Variants in CEP95 observed in about 807,000 individuals in gnomAD.
The protein encoded by CEP95 is centrosomal protein 95.
Under a neutral mutation model 111.2 loss-of-function variants are expected in CEP95, and 98 were observed. The ratio of observed to expected loss-of-function variants is 0.88; its 90% CI spans 0.75 to 1.04. The LOEUF (loss-of-function observed/expected upper bound fraction) is 1.04. Ranked by LOEUF, CEP95 falls within the 50% of genes least tolerant of loss-of-function variation. CEP95 has a pLI of 0.00. For missense variants in CEP95, 1,027 were observed against 977.2 expected, an observed-to-expected ratio of 1.05 and a Z score of -0.68; for synonymous variants, 323 against 327.1, an observed-to-expected ratio of 0.99 and a Z score of 0.14.
In CEP95 at chr17:64,531,992, G is replaced by A; in HGVS notation, c.1642G>A (p.Gly548Ser). The A allele has an allele frequency of 6.3e-7, 1 of 1,597,768 alleles. No individual in the cohort carries two copies. Among genetic ancestry groups the A allele is most frequent in the Non-Finnish European group, 8.5e-7 (1 of 1,175,552 alleles). Reference sequence around the variant, plus strand: ...AACCACAACGCAGAGTCTAAGAGGTGGCCTCCCAAAGCCAAATAAAGCAGT... The same window carrying A: ...AACCACAACGCAGAGTCTAAGAGGTAGCCTCCCAAAGCCAAATAAAGCAGT... ...RKTTTQSLRGGLPKPNKAVPM... is the reference protein window; with the variant it reads ...RKTTTQSLRGSLPKPNKAVPM... The change falls in exon 14 of 20, where the codon GGC becomes AGC. Residue 548 changes from glycine to serine, a missense_variant. Coordinates refer to ENST00000556440, the MANE Select transcript of CEP95 (RefSeq NM_138363.3).
chr17:64,516,873 T>C, intron 5 of CEP95, 45 bp downstream of exon 5: 1 of 1,165,416 alleles, frequency 8.6e-7, no homozygotes, highest in Non-Finnish European at 1.3e-6. Context: ...AGTTACGCTT[T>C]TTGGACTAAG....
intron 8 of CEP95, among the ~76,000 whole-genome samples, chr17:64,523,315 G>A (rs782306780): frequency 4.6e-5 from 7 of 152,078 alleles, no homozygotes; most frequent in Non-Finnish European, 8.8e-5. Context: ...ATGTAGAGAG[G>A]GCAAGGTTAC....
Position 64,521,437 on chromosome 17 carries a change from G to A in CEP95, c.625G>A (p.Ala209Thr), listed in dbSNP as rs782419355. The change falls in exon 7 of 20, where the codon GCC (alanine) becomes ACC (threonine). Residue 209 changes from alanine to threonine, a missense_variant. Coordinates refer to ENST00000556440, the MANE Select transcript of CEP95 (RefSeq NM_138363.3). ...QCPNEMLSKK[A>T]LASPSSKSHE... ...TCCTAATGAAATGCTGTCTAAAAAA[G>A]CCTTAGCCTCACCAAGTTCTAAATC... The A allele has an allele frequency of 2.5e-6, 4 of 1,612,430 alleles. No individual in the cohort carries two copies. The highest frequency in any genetic ancestry group is 2.5e-6 in the Non-Finnish European group (3 of 1,178,740).
At chr17:64,515,663 C>G (rs914009230) in intron 4 of CEP95, 1 of 152,112 alleles carries the variant, frequency 6.6e-6, no homozygotes, top group Non-Finnish European at 1.5e-5. Context: ...ATAGGCTTCC[C>G]TATATGACAG....
In CEP95 at chr17:64,526,173, C is replaced by G. The variant is rs1555679073; in HGVS notation, c.1125C>G (p.Leu375=). 1.2e-5 allele frequency: 19 copies of G among 1,613,054 alleles called. No homozygotes were observed. The highest frequency in any genetic ancestry group is 1.4e-5 in the Non-Finnish European group (17 of 1,179,620). Residue 375 remains leucine, a synonymous_variant, in exon 10 of 20, where the codon CTC becomes CTG. Coordinates refer to ENST00000556440, the MANE Select transcript of CEP95 (RefSeq NM_138363.3). ...EQELHDVSEK[L]SQRLSELDWM... The stretch of plus-strand genomic sequence containing the variant: ...AATTACATGATGTATCAGAAAAACT[C>G]TCTCAGCGGCTTTCTGAACTAGATT...
At position 64,521,423 on chromosome 17, in the gene CEP95, T is replaced by C. The variant is rs1967328967; in HGVS notation, c.611T>C (p.Met204Thr). 1 of 1,611,290 alleles carries C rather than the reference T, an allele frequency of 6.2e-7. No homozygotes were observed. The highest frequency in any genetic ancestry group is 8.5e-7 in the Non-Finnish European group (1 of 1,177,884). Reference protein sequence around the residue: ...RSNGAQCPNEMLSKKALASPS... With the variant: ...RSNGAQCPNETLSKKALASPS... ...CTAGGTGCTCAATGTCCTAATGAAATGCTGTCTAAAAAAGCCTTAGCCTCA... is the reference window on the plus strand; with the variant it reads ...CTAGGTGCTCAATGTCCTAATGAAACGCTGTCTAAAAAAGCCTTAGCCTCA... Residue 204 changes from methionine to threonine, a missense_variant, in exon 7 of 20, where the codon ATG becomes ACG. Physicochemically the swap from Met to Thr is moderately conservative, Grantham distance 81 (BLOSUM62 -1). Coordinates refer to ENST00000556440, the MANE Select transcript of CEP95 (RefSeq NM_138363.3).
intron 4 of CEP95, among the ~76,000 whole-genome samples, chr17:64,515,059 A>G (rs1329865700): frequency 6.6e-6 from 1 of 152,210 alleles, no homozygotes; most frequent in African/African-American, 2.4e-5. Context: ...GTCTTTAGTT[A>G]GAGATAGTTT....
rs943461916 is a variant in CEP95, at chr17:64,532,566, A to C, written c.1673-273A>C. On this transcript the variant is annotated intron_variant, in intron 14 of 19. Transcript: ENST00000556440. Reference sequence around the variant, plus strand: ...AGTCTTGTTTTACCGTACGTAGAGAATCTACCCACAGGCACTGAAGCGGCT... The same window carrying C: ...AGTCTTGTTTTACCGTACGTAGAGACTCTACCCACAGGCACTGAAGCGGCT... 1.1e-5 allele frequency: 13 copies of C among 1,220,740 alleles called. No homozygotes were observed. In the African/African-American group the frequency reaches 2.1e-4, roughly 19 times the overall value. The allele number at this position is 1,220,740 out of a possible 1,614,324, so 75.6% of individuals were successfully genotyped here.
intron 2 of CEP95, among the ~76,000 whole-genome samples, chr17:64,509,753 T>C (rs1312495090): frequency 6.6e-6 from 1 of 152,084 alleles, no homozygotes; most frequent in Non-Finnish European, 1.5e-5. Context: ...CTGTGTTTTT[T>C]TTTTCTTCGT....
intron 2 of CEP95, 84 bp downstream of exon 2, chr17:64,508,804 A>G: frequency 1.9e-6 from 1 of 528,014 alleles, no homozygotes; most frequent in Admixed American, 3.4e-5. Flanking sequence ...TTTGATATTT[A>G]TAAAATTTCA....
intron 11 of CEP95, among the ~76,000 whole-genome samples, chr17:64,528,617 A>C (rs997299540): frequency 6.6e-6 from 1 of 152,240 alleles, no homozygotes; most frequent in Admixed American, 6.5e-5. Context: ...ATGTGAAAAA[A>C]ATAATAAGCT....
At chr17:64,537,357 A>G in intron 19 of CEP95, 2 of 1,403,164 alleles carry the variant, frequency 1.4e-6, no homozygotes, top group Non-Finnish European at 1.8e-6. Context: ...ATTTTTAGGA[A>G]GTAGAAAACC....
intron 13 of CEP95, 159 bp downstream of exon 13, chr17:64,531,177 AT>A (rs1968251820): frequency 2.3e-6 from 1 of 434,920 alleles, no homozygotes; most frequent in Non-Finnish European, 4.1e-6. Flanking sequence ...TTGCTTATTA[AT>A]AAGGCATTCA....
chr17:64,513,965 C>T (rs2039014788), intron 3 of CEP95, among the ~76,000 whole-genome samples: 2 of 151,928 alleles, frequency 1.3e-5, no homozygotes, highest in South Asian at 4.1e-4. Context: ...TTTGCTTCTC[C>T]AAAAAAGGAA....
Position 64,532,994 on chromosome 17 carries a change from A to C in CEP95, c.1828A>C (p.Lys610Gln). The C allele has an allele frequency of 6.2e-7, 1 of 1,611,788 alleles. No homozygotes were observed. The highest frequency in any genetic ancestry group is 8.5e-7 in the Non-Finnish European group (1 of 1,179,360). Residue 610 changes from lysine to glutamine, a missense_variant, in exon 15 of 20, where the codon AAA becomes CAA. Transcript: ENST00000556440. The part of the protein sequence containing the change: ...EACRENRSKK[K>Q]LQDEIEEALR... Reference sequence around the variant, plus strand: ...ATGTAGAGAAAATCGATCAAAGAAGAAACTCCAAGATGAAGTAAGTTACTG... The same window carrying C: ...ATGTAGAGAAAATCGATCAAAGAAGCAACTCCAAGATGAAGTAAGTTACTG...
In CEP95 at chr17:64,534,200, C is replaced by CTAAT. The variant is rs1968484602; in HGVS notation, c.1918-383_1918-380dup. ...TTTTCACTCCTTTGTCAGATACTGT[C>CTAAT]TAATTTCCTTAGTTTTTGCCTAAAT... On this transcript the variant is annotated intron_variant, in intron 16 of 19. Coordinates refer to ENST00000556440, the MANE Select transcript of CEP95 (RefSeq NM_138363.3). The CTAAT allele has an allele frequency of 2.5e-5, 5 of 202,066 alleles. No homozygotes were observed. In the South Asian group the frequency reaches 4.7e-4, roughly 19 times the overall value. The allele number at this position is 202,066 out of a possible 1,614,324, so 12.5% of individuals were successfully genotyped here.
chr17:64,530,222 C>T (rs575148192), intron 12 of CEP95, among the ~76,000 whole-genome samples: 31 of 152,152 alleles, frequency 2.0e-4, no homozygotes, highest in African/African-American at 7.5e-4. Context: ...CCCATCTCTA[C>T]TAAAAATACA....
At chr17:64,513,947 C>A (rs564493772) in intron 3 of CEP95, among the ~76,000 whole-genome samples, 20 of 152,106 alleles carry the variant, frequency 1.3e-4, no homozygotes, top group Non-Finnish European at 2.5e-4. Context: ...TTTCTTAAGT[C>A]CAATTATTTT....
intron 12 of CEP95, 140 bp downstream of exon 12, chr17:64,529,567 G>A: frequency 1.2e-6 from 1 of 830,702 alleles, no homozygotes; most frequent in Non-Finnish European, 1.9e-6. Context: ...AGAGAGCTAT[G>A]TGACATAGCT....
Sources: allele counts gnomAD v4.1 joint callset (sites outside exome capture counted in the v4.1 genomes callset), GRCh38; gene constraint gnomAD v4.1.1; transcripts MANE v1.5; gene names NCBI Gene and HGNC (gene_info 2026-07-23, HGNC 2026-07-21).